The following RNASEH2B variants were observed in gnomAD, a reference collection of about 807,000 sequenced individuals.
RNASEH2B encodes the protein Aicardi-Goutieres syndrome 2 protein.
RNASEH2B carries 36 observed loss-of-function variants against 45.0 expected under a neutral mutation model. That is an observed-to-expected ratio of 0.80 (90% CI 0.61 to 1.06). The LOEUF is 1.06. Ranked by LOEUF, RNASEH2B falls within the 50% of genes least tolerant of loss-of-function variation. RNASEH2B has a pLI of 0.00. For synonymous variants in RNASEH2B, 119 were observed against 125.7 expected, an observed-to-expected ratio of 0.95 and a Z score of 0.35; for missense variants, 361 against 360.3, an observed-to-expected ratio of 1.00 and a Z score of -0.02.
intron 6 of RNASEH2B, among the ~76,000 whole-genome samples, chr13:50,945,145 C>T (rs1951884568): frequency 6.6e-6 from 1 of 152,114 alleles, no homozygotes; most frequent in African/African-American, 2.4e-5. Context: ...AGCCCAGCAG[C>T]CTGACTCCAG....
At chr13:50,916,243 T>G (rs958061059) in intron 1 of RNASEH2B, among the ~76,000 whole-genome samples, 3 of 152,190 alleles carry the variant, frequency 2.0e-5, no homozygotes, top group Non-Finnish European at 4.4e-5. Context: ...TATTTTTGCC[T>G]TTATTTCATT....
intron 5 of RNASEH2B, chr13:50,935,640 T>C (rs1593463683): frequency 6.5e-6 from 1 of 153,810 alleles, no homozygotes; most frequent in African/African-American, 2.4e-5. Context: ...TCCTGAAGGA[T>C]AGTCAGAGAA....
chr13:50,923,497 A>T (rs1409945101), intron 1 of RNASEH2B, among the ~76,000 whole-genome samples: 1 of 152,210 alleles, frequency 6.6e-6, no homozygotes, highest in East Asian at 1.9e-4. Flanking sequence ...ATTAGAAGCT[A>T]TGGTGGCTGG....
At chr13:50,969,648 A>G (rs1952201805) in intron 9 of RNASEH2B, among the ~76,000 whole-genome samples, 2 of 152,026 alleles carry the variant, frequency 1.3e-5, no homozygotes, top group African/African-American at 4.8e-5. Flanking sequence ...GGGCCACCCC[A>G]ACATTATATT....
At chr13:50,928,052 T>G (rs913213298) in intron 2 of RNASEH2B, among the ~76,000 whole-genome samples, 3 of 152,110 alleles carry the variant, frequency 2.0e-5, no homozygotes, top group Admixed American at 6.5e-5. Flanking sequence ...TTGGAAAAAT[T>G]TTATTTTAAC....
At chr13:50,920,668 C>T (rs184496520) in intron 1 of RNASEH2B, among the ~76,000 whole-genome samples, 65 of 152,290 alleles carry the variant, frequency 4.3e-4, no homozygotes, top group African/African-American at 1.4e-3. Flanking sequence ...TGTATAGCTA[C>T]TCTTTTAAAA....
chr13:50,942,012 G>A (rs1376855839), intron 5 of RNASEH2B: 6 of 152,232 alleles, frequency 3.9e-5, no homozygotes, highest in Non-Finnish European at 1.5e-5. Flanking sequence ...ACAGACTGCA[G>A]AAAATGAACC....
chr13:50,944,704 G>C (rs1951879165), intron 6 of RNASEH2B, among the ~76,000 whole-genome samples: 1 of 152,296 alleles, frequency 6.6e-6, no homozygotes, highest in East Asian at 1.9e-4. Flanking sequence ...AGCCTGGGAA[G>C]CTGGAAATGA....
At chr13:50,966,514 A>G (rs1401184323) in intron 9 of RNASEH2B, among the ~76,000 whole-genome samples, 1 of 147,938 alleles carries the variant, frequency 6.8e-6, no homozygotes, top group Non-Finnish European at 1.5e-5. Flanking sequence ...CAAGCCATAT[A>G]TTTTTTTTTT....
intron 1 of RNASEH2B, chr13:50,915,343 T>C (rs1025208528): frequency 1.0e-5 from 4 of 398,226 alleles, no homozygotes; most frequent in Non-Finnish European, 1.3e-5. Context: ...GTCTTGACTT[T>C]GTGTCTGCCT....
chr13:50,911,872 G>A (rs1252350477), intron 1 of RNASEH2B: 1 of 152,126 alleles, frequency 6.6e-6, no homozygotes, highest in African/African-American at 2.4e-5. Context: ...GATAATTTGA[G>A]CTTCTTATTT....
intron 1 of RNASEH2B, among the ~76,000 whole-genome samples, chr13:50,920,012 T>G (rs1159096310): frequency 4.1e-5 from 3 of 73,066 alleles, no homozygotes; most frequent in South Asian, 3.8e-4. Context: ...TGAGGGTGTT[T>G]TGTTTTGTTT....
At chr13:50,954,729 A>G (rs907415057) in intron 10 of RNASEH2B, 17 of 152,228 alleles carry the variant, frequency 1.1e-4, no homozygotes, top group African/African-American at 3.9e-4. Context: ...AGCTTGGAGA[A>G]CATGAATTCT....
intron 1 of RNASEH2B, among the ~76,000 whole-genome samples, chr13:50,922,242 AC>A (rs1288951864): frequency 6.6e-6 from 1 of 152,176 alleles, no homozygotes; most frequent in Non-Finnish European, 1.5e-5. Context: ...CCAAAAACTT[AC>A]GGGTAAGATG....
intron 6 of RNASEH2B, among the ~76,000 whole-genome samples, chr13:50,944,502 T>C (rs1245066214): frequency 2.6e-5 from 4 of 152,086 alleles, no homozygotes; most frequent in Non-Finnish European, 5.9e-5. Context: ...ATGTAATACA[T>C]GTGGGGCTTA....
chr13:50,960,491 C>T (rs878958485), downstream of RNASEH2B, among the ~76,000 whole-genome samples: 1 of 152,090 alleles, frequency 6.6e-6, no homozygotes, highest in African/African-American at 2.4e-5. Context: ...GACTATCCAT[C>T]CTTTTATACT....
intron 1 of RNASEH2B, among the ~76,000 whole-genome samples, chr13:50,926,010 G>A (rs1007985895): frequency 3.3e-5 from 5 of 152,072 alleles, no homozygotes; most frequent in Non-Finnish European, 7.4e-5. Context: ...CAGGGACTAC[G>A]GTCCTGCATG....
Position 50,943,349 on chromosome 13 carries a change from T to C in RNASEH2B, c.465T>C (p.Tyr155=), listed in dbSNP as rs202232001. The change falls in exon 6 of 11, where the codon TAT becomes TAC. Residue 155 remains tyrosine, a synonymous_variant. Coordinates refer to ENST00000336617, the MANE Select transcript of RNASEH2B (RefSeq NM_024570.4). ...ATCCAGAAATAGACAACAAGAAATA[T>C]TACAAGTACAGCAAAGAGAAGACAT... ...KGNPEIDNKK[Y]YKYSKEKTLK... is the part of the protein sequence containing the mutation. 2 of 1,603,924 alleles carry C rather than the reference T, an allele frequency of 1.2e-6. No homozygotes were observed. Among genetic ancestry groups the C allele is most frequent in the South Asian group, 1.1e-5 (1 of 90,774 alleles).
chr13:50,944,731 A>G (rs1273476290), intron 6 of RNASEH2B, among the ~76,000 whole-genome samples: 2 of 152,182 alleles, frequency 1.3e-5, no homozygotes, highest in Non-Finnish European at 2.9e-5. Context: ...TAGAATAATC[A>G]GTCTCCTAAT....
Sources: gnomAD v4.1 joint callset for allele counts (sites outside exome capture counted in the v4.1 genomes callset) on GRCh38, gnomAD v4.1.1 for gene constraint, MANE v1.5 for transcripts, NCBI Gene and HGNC (gene_info 2026-07-23, HGNC 2026-07-21) for gene names.